Variants in FBXO43 observed in about 807,000 individuals in gnomAD.
FBXO43 encodes the protein F-box protein 43, also known as F-box only protein 43.
In FBXO43, 22 loss-of-function variants were observed where a neutral mutation model predicts 56.7. The ratio of observed to expected loss-of-function variants is 0.39; its 90% CI spans 0.28 to 0.55. The LOEUF (loss-of-function observed/expected upper bound fraction) is 0.55, where lower values mean the gene tolerates loss of function less well. FBXO43 is among the 20% of genes least tolerant of loss of function. The pLI, the probability that FBXO43 is intolerant of heterozygous loss-of-function variation, is 0.66. For missense variants in FBXO43, 733 were observed against 814.9 expected (o/e 0.90, Z 1.22); for synonymous variants, 306 against 294.5 (o/e 1.04, Z -0.40).
intron 1 of FBXO43, among the ~76,000 whole-genome samples, chr8:100,142,949 A>C (rs1814704624): frequency 6.6e-6 from 1 of 152,262 alleles, no homozygotes; most frequent in African/African-American, 2.4e-5. Flanking sequence ...GCAACTATTT[A>C]TGGGAAAACC....
intron 1 of FBXO43, among the ~76,000 whole-genome samples, chr8:100,143,911 A>G (rs994084848): frequency 6.6e-6 from 1 of 152,110 alleles, no homozygotes; most frequent in Non-Finnish European, 1.5e-5. Context: ...GACTGGGATT[A>G]CAGGCGCCCA....
chr8:100,134,342 T>C lies in FBXO43; in HGVS notation c.1697A>G (p.Asp566Gly). Residue 566 changes from aspartate to glycine, a missense_variant, in exon 4 of 5, where the codon GAT becomes GGT. Transcript: ENST00000428847. ...TAAAAGCTGGAGCCGAGTGGCAGCA[T>C]CCTCGACATTTAATACAGCCCCCTG... is the stretch of plus-strand genomic sequence containing the variant. ...DSEGAVLNVEDAATRLQLLNR... is the reference protein window; with the variant it reads ...DSEGAVLNVEGAATRLQLLNR... The C allele has an allele frequency of 6.2e-7, 1 of 1,613,614 alleles. No homozygotes were observed. Among genetic ancestry groups the C allele is most frequent in the Non-Finnish European group, 8.5e-7 (1 of 1,180,016 alleles).
At chr8:100,137,444 G>T in intron 3 of FBXO43, 121 bp downstream of exon 3, 1 of 635,778 alleles carries the variant, frequency 1.6e-6, no homozygotes, top group Non-Finnish European at 2.7e-6. Context: ...GAATTTATGA[G>T]TGAATGTTTG....
chr8:100,137,474 G>T, intron 3 of FBXO43, 91 bp downstream of exon 3: 2 of 798,930 alleles, frequency 2.5e-6, no homozygotes, highest in South Asian at 1.8e-5. Context: ...AAAGGTTAAA[G>T]ATAGCAGGAA....
intron 2 of FBXO43, among the ~76,000 whole-genome samples, chr8:100,139,820 T>C (rs1397696903): frequency 6.6e-6 from 1 of 152,216 alleles, no homozygotes; most frequent in Non-Finnish European, 1.5e-5. Flanking sequence ...GTGTTAACAA[T>C]AAAAATGAAA....
At chr8:100,148,536 C>T (rs1438333297), upstream of FBXO43, among the ~76,000 whole-genome samples, 1 of 152,208 alleles carries the variant, frequency 6.6e-6, no homozygotes, top group African/African-American at 2.4e-5. Context: ...CTCAGCCTTC[C>T]AAGTAGCTGA....
At chr8:100,144,145 T>C (rs958550551) in intron 1 of FBXO43, among the ~76,000 whole-genome samples, 1 of 152,202 alleles carries the variant, frequency 6.6e-6, no homozygotes, top group Non-Finnish European at 1.5e-5. Flanking sequence ...AATGCTAGAA[T>C]TTGGGAAACT....
Position 100,137,383 on chromosome 8 carries a change from T to C in FBXO43, c.1674+182A>G, listed in dbSNP as rs1586342526. The C allele has an allele frequency of 1.4e-5, 7 of 517,524 alleles. No individual in the cohort carries two copies. The East Asian group carries it at 2.5e-4, about 19-fold the overall frequency. 32.1% of individuals were successfully genotyped at this position (517,524 alleles called of 1,614,324 possible). On this transcript the variant is annotated intron_variant, in intron 3 of 4. Transcript: ENST00000428847. ...CCAACAAGATGTTCTTGATGCTATG[T>C]TGTTTATTCCATTTACAGACTGGGT...
Position 100,133,383 on chromosome 8 carries a change from A to G in FBXO43, c.*419T>C, listed in dbSNP as rs1814369282. 2 of 152,460 alleles carry G rather than the reference A, an allele frequency of 1.3e-5. No individual in the cohort carries two copies. The highest frequency in any genetic ancestry group is 1.3e-4 in the Admixed American group (2 of 15,282). The allele number at this position is 152,460 out of a possible 1,614,324, so 9.4% of individuals were successfully genotyped here. A position where few individuals can be genotyped will look rare whatever the true frequency, so the allele number is the denominator to read the frequency against. ...GAACTTCTGAAAATATTTTATTTAT[A>G]TTTCATTTCAGTCAAGTACTCATTT... On this transcript the variant is annotated 3_prime_UTR_variant, in exon 5 of 5. Transcript: ENST00000428847.
chr8:100,145,057 T>G lies in FBXO43; in HGVS notation c.79A>C (p.Thr27Pro), dbSNP rs1187996950. ...VTLTSKSSRFTDETEILKMSQ... is the reference protein window; with the variant it reads ...VTLTSKSSRFPDETEILKMSQ... The stretch of plus-strand genomic sequence containing the variant: ...TTAAAGTGGAAACTCTTACCATCAG[T>G]AAATCTTGAGCTCTTAGATGTCAAA... Residue 27 changes from threonine to proline, a missense_variant, in exon 1 of 5, where the codon ACT becomes CCT. By Grantham distance (38) the Thr-to-Pro change is conservative. Transcript: ENST00000428847. The G allele has an allele frequency of 1.2e-6, 2 of 1,610,842 alleles. No individual in the cohort carries two copies. The highest frequency in any genetic ancestry group is 1.7e-6 in the Non-Finnish European group (2 of 1,177,970).
In FBXO43 at chr8:100,134,191, G is replaced by A; in HGVS notation, c.1848C>T (p.His616=). 1 of 1,614,068 alleles carries A rather than the reference G, an allele frequency of 6.2e-7. No individual in the cohort carries two copies. The highest frequency in any genetic ancestry group is 1.1e-5 in the South Asian group (1 of 91,082). ...CATATTCTTCCTGTTTACTACTTAA[G>A]TGAGTAACAGAAGAGCTTGCTAGAG... The part of the protein sequence containing the change: ...LTPLASSSVT[H]LSSKQEEYVK... The change falls in exon 4 of 5, where the codon CAC becomes CAT. Residue 616 remains histidine, a synonymous_variant. Transcript: ENST00000428847.
chr8:100,137,711 G>C (rs2453629), intron 2 of FBXO43, 44 bp from the exon 3 acceptor site: 491,896 of 1,411,150 alleles, frequency 0.35, 89,212 homozygotes, highest in East Asian at 0.5. Flanking sequence ...CATTCTATAG[G>C]ATTAACATTT....
At position 100,145,041 on chromosome 8, in the gene FBXO43, A is replaced by G; in HGVS notation, c.85+10T>C. On this transcript the variant is annotated intron_variant, in intron 1 of 4. Coordinates refer to ENST00000428847, the MANE Select transcript of FBXO43 (RefSeq NM_001029860.4). ...AAATGTTCTTCATTTGTTAAAGTGG[A>G]AACTCTTACCATCAGTAAATCTTGA... 1 of 1,606,332 alleles carries G rather than the reference A, an allele frequency of 6.2e-7. No individual in the cohort carries two copies. The highest frequency in any genetic ancestry group is 8.5e-7 in the Non-Finnish European group (1 of 1,175,918).
chr8:100,144,563 T>C (rs1357704981), intron 1 of FBXO43, among the ~76,000 whole-genome samples: 1 of 151,734 alleles, frequency 6.6e-6, no homozygotes, highest in African/African-American at 2.4e-5. Flanking sequence ...CTCTTCGATA[T>C]TCATTTTTAA....
At chr8:100,147,620 G>A (rs1814857291), upstream of FBXO43, among the ~76,000 whole-genome samples, 1 of 152,160 alleles carries the variant, frequency 6.6e-6, no homozygotes, top group Non-Finnish European at 1.5e-5. Flanking sequence ...GTGGCAGAAT[G>A]GAGGACAGAA....
chr8:100,146,998 C>A (rs576801642), upstream of FBXO43, among the ~76,000 whole-genome samples: 2 of 152,224 alleles, frequency 1.3e-5, no homozygotes, highest in Non-Finnish European at 2.9e-5. Flanking sequence ...CAGGCACCCG[C>A]CACCACGCCT....
chr8:100,141,428 C>T lies in FBXO43; in HGVS notation c.826G>A (p.Glu276Lys). 1 of 1,613,404 alleles carries T rather than the reference C, an allele frequency of 6.2e-7. No homozygotes were observed. Among genetic ancestry groups the T allele is most frequent in the Non-Finnish European group, 8.5e-7 (1 of 1,179,936 alleles). ...FSDSSLCINDENACPELLGSS... is the reference protein window; with the variant it reads ...FSDSSLCINDKNACPELLGSS... ...CCCAGGAGCTCTGGACATGCATTCTCATCATTAATGCATAAACTGCTATCA... is the reference window on the plus strand; with the variant it reads ...CCCAGGAGCTCTGGACATGCATTCTTATCATTAATGCATAAACTGCTATCA... The change falls in exon 2 of 5, where the codon GAG becomes AAG. Residue 276 changes from glutamate (E) to lysine (K), a missense_variant. By Grantham distance (56) the Glu-to-Lys change is moderately conservative (BLOSUM62 1). Coordinates refer to ENST00000428847, the MANE Select transcript of FBXO43 (RefSeq NM_001029860.4).
At chr8:100,146,599 A>G (rs2132151545), upstream of FBXO43, among the ~76,000 whole-genome samples, 1 of 152,280 alleles carries the variant, frequency 6.6e-6, no homozygotes, top group South Asian at 2.1e-4. Context: ...GGCGTCTATT[A>G]TATGCCAGGG....
chr8:100,144,988 C>T lies in FBXO43; in HGVS notation c.85+63G>A, dbSNP rs769342871. The T allele has an allele frequency of 6.7e-6, 10 of 1,503,032 alleles. No individual in the cohort carries two copies. The African/African-American group carries it at 8.6e-5, about 13-fold the overall frequency. 93.1% of individuals were successfully genotyped at this position (1,503,032 alleles called of 1,614,324 possible). ...AAAAAAGAAAAAGCACCTACCACAT[C>T]AGAGAATGAAGTACTTACATTAAAC... On this transcript the variant is annotated intron_variant, in intron 1 of 4. Transcript: ENST00000428847.
Sources: gnomAD v4.1 joint callset for allele counts (sites outside exome capture counted in the v4.1 genomes callset) on GRCh38, gnomAD v4.1.1 for gene constraint, MANE v1.5 for transcripts, NCBI Gene and HGNC (gene_info 2026-07-23, HGNC 2026-07-21) for gene names.